The following STXBP5L variants were observed in gnomAD, a reference collection of about 807,000 sequenced individuals.
The protein encoded by STXBP5L is syntaxin-binding protein 5-like.
STXBP5L carries 65 observed loss-of-function variants against 144.5 expected under a neutral mutation model. The observed-to-expected ratio is 0.45, with a 90% CI of 0.37 to 0.55. STXBP5L has a LOEUF of 0.55. STXBP5L is among the 20% of genes least tolerant of loss of function. The pLI is 0.00. For synonymous variants in STXBP5L, 505 were observed against 469.6 expected, an observed-to-expected ratio of 1.08 and a Z score of -0.97; for missense variants, 1,298 against 1,405.5, an observed-to-expected ratio of 0.92 and a Z score of 1.22.
chr3:121,165,682 G>A (rs1259902321), intron 9 of STXBP5L, among the ~76,000 whole-genome samples: 1 of 152,044 alleles, frequency 6.6e-6, no homozygotes, highest in African/African-American at 2.4e-5. Context: ...TCAGCAAAGC[G>A]AGAGTCCTGC....
At chr3:121,344,468 G>A (rs1481463646) in intron 20 of STXBP5L, among the ~76,000 whole-genome samples, 1 of 151,950 alleles carries the variant, frequency 6.6e-6, no homozygotes, top group Admixed American at 6.6e-5. Flanking sequence ...AAAAAAATCT[G>A]CTACAGGATT....
At chr3:121,219,697 C>A (rs2048915846) in intron 10 of STXBP5L, among the ~76,000 whole-genome samples, 1 of 152,028 alleles carries the variant, frequency 6.6e-6, no homozygotes, top group African/African-American at 2.4e-5. Context: ...TAATCTGTTC[C>A]TATTACGGCA....
chr3:121,405,390 G>C (rs1413728844), intron 22 of STXBP5L, among the ~76,000 whole-genome samples: 1 of 151,882 alleles, frequency 6.6e-6, no homozygotes, highest in Non-Finnish European at 1.5e-5. Flanking sequence ...CTCTACCCTA[G>C]AAAGTAAGTT....
At chr3:121,295,654 CT>C (rs1559945195) in intron 19 of STXBP5L, among the ~76,000 whole-genome samples, 1 of 152,108 alleles carries the variant, frequency 6.6e-6, no homozygotes, top group Non-Finnish European at 1.5e-5. Context: ...AAAACAGTCT[CT>C]CAACTAGGAA....
At chr3:120,980,558 C>T (rs1257073196) in intron 3 of STXBP5L, among the ~76,000 whole-genome samples, 1 of 150,942 alleles carries the variant, frequency 6.6e-6, no homozygotes, top group African/African-American at 2.4e-5. Flanking sequence ...CATAAAATAT[C>T]TGTTTCTACT....
At chr3:121,091,814 C>G (rs1468374169) in intron 5 of STXBP5L, among the ~76,000 whole-genome samples, 1 of 152,062 alleles carries the variant, frequency 6.6e-6, no homozygotes, top group Non-Finnish European at 1.5e-5. Flanking sequence ...CTTTTATTGC[C>G]ATTGCTTTTG....
intron 19 of STXBP5L, among the ~76,000 whole-genome samples, chr3:121,308,123 G>A (rs372105844): frequency 2.5e-3 from 385 of 152,298 alleles, no homozygotes; most frequent in Non-Finnish European, 3.9e-3. Flanking sequence ...GGGGGAGGGA[G>A]AGCATCAGGA....
At chr3:120,982,087 G>A (rs1428394691) in intron 3 of STXBP5L, among the ~76,000 whole-genome samples, 1 of 152,142 alleles carries the variant, frequency 6.6e-6, no homozygotes, top group East Asian at 1.9e-4. Context: ...TCAACACTGT[G>A]GACTTCCATT....
chr3:121,041,088 T>A (rs903239760), intron 3 of STXBP5L, among the ~76,000 whole-genome samples: 3 of 151,968 alleles, frequency 2.0e-5, no homozygotes, highest in African/African-American at 7.2e-5. Flanking sequence ...TTCCTCCTCC[T>A]TCCTTTTTTT....
At chr3:121,119,544 A>C (rs1310182068) in intron 6 of STXBP5L, among the ~76,000 whole-genome samples, 1 of 151,394 alleles carries the variant, frequency 6.6e-6, no homozygotes, top group African/African-American at 2.4e-5. Flanking sequence ...GAATTACTGC[A>C]CATTTTTTTA....
intron 5 of STXBP5L, among the ~76,000 whole-genome samples, chr3:121,105,394 C>CT: frequency 8.0e-6 from 1 of 125,356 alleles, no homozygotes; most frequent in Non-Finnish European, 1.6e-5. Flanking sequence ...GACTCTGTCT[C>CT]AAAATAAATA....
At chr3:121,338,909 A>G (rs1301109340) in intron 20 of STXBP5L, among the ~76,000 whole-genome samples, 1 of 152,074 alleles carries the variant, frequency 6.6e-6, no homozygotes, top group Non-Finnish European at 1.5e-5. Context: ...TAATTTAACA[A>G]AGTTGTCCTC....
intron 3 of STXBP5L, among the ~76,000 whole-genome samples, chr3:120,983,173 AG>A (rs1941961007): frequency 6.6e-6 from 1 of 152,174 alleles, no homozygotes; most frequent in Admixed American, 6.5e-5. Flanking sequence ...CAGAGGCAGC[AG>A]GGATGGCAGG....
chr3:120,990,798 TC>T (rs1328043012), intron 3 of STXBP5L, among the ~76,000 whole-genome samples: 1 of 152,180 alleles, frequency 6.6e-6, no homozygotes, highest in Admixed American at 6.6e-5. Context: ...TGAAACTGGA[TC>T]CCTTCCTTAC....
intron 2 of STXBP5L, among the ~76,000 whole-genome samples, chr3:120,910,212 T>G (rs1708758587): frequency 6.6e-6 from 1 of 152,168 alleles, no homozygotes; most frequent in East Asian, 1.9e-4. Flanking sequence ...TGACATTGCT[T>G]TAAAATTCCG....
chr3:121,030,372 C>T (rs527788742), intron 3 of STXBP5L, among the ~76,000 whole-genome samples: 1 of 152,212 alleles, frequency 6.6e-6, no homozygotes, highest in South Asian at 2.1e-4. Context: ...AGTTCATGTC[C>T]TTTGCAGGGA....
At chr3:120,985,477 A>G (rs1370531982) in intron 3 of STXBP5L, among the ~76,000 whole-genome samples, 3 of 152,096 alleles carry the variant, frequency 2.0e-5, no homozygotes, top group Non-Finnish European at 4.4e-5. Context: ...ACAGTATACT[A>G]TTATCAACTA....
intron 20 of STXBP5L, among the ~76,000 whole-genome samples, chr3:121,373,465 A>G (rs1560032969): frequency 1.3e-5 from 2 of 152,204 alleles, no homozygotes; most frequent in Non-Finnish European, 2.9e-5. Context: ...TTGAGAGCAG[A>G]GTAAACACCA....
chr3:121,325,885 T>A (rs1419966102), intron 20 of STXBP5L, among the ~76,000 whole-genome samples: 1 of 151,902 alleles, frequency 6.6e-6, no homozygotes, highest in African/African-American at 2.4e-5. Context: ...TCTATAGCTT[T>A]CCCAAGGTCA....
Sources: allele counts gnomAD v4.1 joint callset (sites outside exome capture counted in the v4.1 genomes callset), GRCh38; gene constraint gnomAD v4.1.1; transcripts MANE v1.5; gene names NCBI Gene and HGNC (gene_info 2026-07-23, HGNC 2026-07-21).